Variants in OR4M1 observed in about 807,000 individuals in gnomAD.
The protein encoded by OR4M1 is olfactory receptor 4M1.
Under a neutral mutation model 9.8 loss-of-function variants are expected in OR4M1, and 7 were observed. That is an observed-to-expected ratio of 0.71 (90% confidence interval 0.41 to 1.34). The LOEUF (loss-of-function observed/expected upper bound fraction) is 1.34. OR4M1 is among the 40% of genes most tolerant of loss of function. OR4M1 has a pLI of 0.01. For missense variants in OR4M1, 331 were observed against 380.4 expected, an observed-to-expected ratio of 0.87 and a Z score of 1.08; for synonymous variants, 121 against 139.8, an observed-to-expected ratio of 0.87 and a Z score of 0.95.
chr14:19,774,351 T>A (rs549289568), intron 1 of OR4M1, among the ~76,000 whole-genome samples: 76 of 152,330 alleles, frequency 5.0e-4, no homozygotes, highest in African/African-American at 1.7e-3. Context: ...ATTTATTCAA[T>A]AAAAAATCCA....
Position 19,782,367 on chromosome 14 carries a change from T to C in OR4M1, c.*1103T>C. On this transcript the variant is annotated 3_prime_UTR_variant, in exon 2 of 2. Coordinates refer to ENST00000641200, the MANE Select transcript of OR4M1 (RefSeq NM_001005500.2). ...AGGTTATGTTTTTTACTTAAATTTA[T>C]TAGTTTTTCATTTCAAAACTAGGAA... 1 of 152,386 alleles carries C rather than the reference T, an allele frequency of 6.6e-6. No homozygotes were observed. The highest frequency in any genetic ancestry group is 3.4e-3 in the Middle Eastern group (1 of 294). The allele number at this position is 152,386 out of a possible 1,614,324, so 9.4% of individuals were successfully genotyped here.
At chr14:19,780,205 G>A (rs1285228791) in intron 1 of OR4M1, 89 bp from the exon 2 acceptor site, 62 of 1,156,352 alleles carry the variant, frequency 5.4e-5, no homozygotes, top group Non-Finnish European at 7.3e-5. Flanking sequence ...ATCTGTTAGT[G>A]ACAGAAAACG....
At chr14:19,779,484 T>C (rs563735130) in intron 1 of OR4M1, among the ~76,000 whole-genome samples, 4 of 152,228 alleles carry the variant, frequency 2.6e-5, no homozygotes, top group Non-Finnish European at 5.9e-5. Flanking sequence ...TACAGGGCAG[T>C]AAGCAAAATT....
intron 1 of OR4M1, among the ~76,000 whole-genome samples, chr14:19,774,692 T>C (rs542903258): frequency 2.0e-5 from 3 of 152,306 alleles, no homozygotes; most frequent in Non-Finnish European, 2.9e-5. Flanking sequence ...GATTTAAAAA[T>C]AGGGATACAT....
chr14:19,776,351 C>G (rs1034291486), intron 1 of OR4M1, among the ~76,000 whole-genome samples: 4 of 152,204 alleles, frequency 2.6e-5, no homozygotes, highest in African/African-American at 9.6e-5. Context: ...TTGTTTTCCC[C>G]CAAAGCATTG....
At chr14:19,777,049 T>TATATA (rs58150334) in intron 1 of OR4M1, among the ~76,000 whole-genome samples, 174 of 115,478 alleles carry the variant, frequency 1.5e-3, no homozygotes, top group South Asian at 2.2e-3. Context: ...TATATATATA[T>TATATA]TGTTTGTTTG....
At chr14:19,774,530 A>G (rs1320747745) in intron 1 of OR4M1, among the ~76,000 whole-genome samples, 3 of 152,278 alleles carry the variant, frequency 2.0e-5, no homozygotes, top group Non-Finnish European at 2.9e-5. Flanking sequence ...CTGAAAAATT[A>G]CAATGTAATG....
chr14:19,783,540 T>C lies in OR4M1; in HGVS notation c.*2276T>C, dbSNP rs1198362357. ...TAACCTCATATGCAATGTTGTGTCA[T>C]TGAATATTGTTTCCAAATAGCTCAG... On this transcript the variant is annotated 3_prime_UTR_variant, in exon 2 of 2. Transcript: ENST00000641200. 6.6e-6 allele frequency: 1 copy of C among 152,296 alleles called. No individual in the cohort carries two copies. Among genetic ancestry groups the C allele is most frequent in the Non-Finnish European group, 1.5e-5 (1 of 68,066 alleles). 9.4% of individuals were successfully genotyped at this position (152,296 alleles called of 1,614,324 possible). A position where few individuals can be genotyped will look rare whatever the true frequency, so the allele number is the denominator to read the frequency against.
At chr14:19,776,699 C>T (rs559663241) in intron 1 of OR4M1, among the ~76,000 whole-genome samples, 80 of 152,214 alleles carry the variant, frequency 5.3e-4, no homozygotes, top group Admixed American at 1.0e-3. Context: ...AACATAATTG[C>T]TTTGGGTTTT....
At chr14:19,778,872 A>G (rs1271955554) in intron 1 of OR4M1, among the ~76,000 whole-genome samples, 1 of 152,228 alleles carries the variant, frequency 6.6e-6, no homozygotes, top group African/African-American at 2.4e-5. Flanking sequence ...CTTATTAAAT[A>G]TGCTTAATTA....
rs369558994 is a variant in OR4M1 at position 19,781,062 on chromosome 14, C to A, written c.740C>A (p.Thr247Asn). 6 of 1,614,192 alleles carry A rather than the reference C, an allele frequency of 3.7e-6. No individual in the cohort carries two copies. The highest frequency in any genetic ancestry group is 1.6e-4 in the Middle Eastern group (1 of 6,062). The change falls in exon 2 of 2, where the codon ACC (threonine) becomes AAC (asparagine). Residue 247 changes from threonine to asparagine, a missense_variant. By Grantham distance (65) the Thr-to-Asn change is moderately conservative. This residue lies in a region of OR4M1 where 122 missense variants were observed against 180.5 expected (regional missense o/e 0.68). Coordinates refer to ENST00000641200, the MANE Select transcript of OR4M1 (RefSeq NM_001005500.2). ...RAMSTCYSHI[T>N]IVVLMFGPSI... ...ATGTCCACCTGCTATTCCCACATTA[C>A]CATTGTGGTGCTAATGTTTGGGCCA...
At chr14:19,776,975 T>TCTCC (rs1332143013) in intron 1 of OR4M1, among the ~76,000 whole-genome samples, 2 of 146,004 alleles carry the variant, frequency 1.4e-5, no homozygotes, top group Non-Finnish European at 3.0e-5. Context: ...ATTATTCTTC[T>TCTCC]CTCCAAATAG....
rs1408122716 is a variant in OR4M1, at chr14:19,781,872, A to G, written c.*608A>G. 6.5e-6 allele frequency: 1 copy of G among 152,772 alleles called. No homozygotes were observed. The highest frequency in any genetic ancestry group is 1.5e-5 in the Non-Finnish European group (1 of 68,456). The allele number at this position is 152,772 out of a possible 1,614,324, so 9.5% of individuals were successfully genotyped here. On this transcript the variant is annotated 3_prime_UTR_variant, in exon 2 of 2. Transcript: ENST00000641200. ...TCAACAGTTGGAGACAGAACTCAAA[A>G]TTTTATCACATTATGAAAACAAATT...
chr14:19,777,048 AT>A (rs1463799557), intron 1 of OR4M1, among the ~76,000 whole-genome samples: 2 of 118,260 alleles, frequency 1.7e-5, no homozygotes, highest in East Asian at 2.5e-4. Flanking sequence ...ATATATATAT[AT>A]TGTTTGTTTG....
chr14:19,775,215 C>G (rs1241687304), intron 1 of OR4M1, among the ~76,000 whole-genome samples: 1 of 152,224 alleles, frequency 6.6e-6, no homozygotes, highest in African/African-American at 2.4e-5. Context: ...ATATGCTACT[C>G]ATGAAGGGGC....
At position 19,781,042 on chromosome 14, in the gene OR4M1, C is replaced by T. The variant is rs1233905243; in HGVS notation, c.720C>T (p.Ser240=). 6 of 1,614,206 alleles carry T rather than the reference C, an allele frequency of 3.7e-6. No homozygotes were observed. Among genetic ancestry groups the T allele is most frequent in the Admixed American group, 1.7e-5 (1 of 60,014 alleles). Residue 240 remains serine, a synonymous_variant, in exon 2 of 2, where the codon TCC becomes TCT. Transcript: ENST00000641200. ...GTGAGAATACCAACAGGGCCATGTC[C>T]ACCTGCTATTCCCACATTACCATTG... The part of the protein sequence containing the change: ...GSGENTNRAM[S]TCYSHITIVV...
intron 1 of OR4M1, among the ~76,000 whole-genome samples, chr14:19,779,478 G>A (rs759006556): frequency 6.6e-6 from 1 of 152,180 alleles, no homozygotes; most frequent in African/African-American, 2.4e-5. Context: ...GTTCAATACA[G>A]GGCAGTAAGC....
chr14:19,775,446 C>G (rs1279626909), intron 1 of OR4M1, among the ~76,000 whole-genome samples: 1 of 151,830 alleles, frequency 6.6e-6, no homozygotes, highest in African/African-American at 2.4e-5. Flanking sequence ...TAAAGGTCCT[C>G]CTTTCCAAAT....
Position 19,780,686 on chromosome 14 carries a change from C to T in OR4M1, c.364C>T (p.Arg122Cys), listed in dbSNP as rs575861745. 27 of 1,614,202 alleles carry T rather than the reference C, an allele frequency of 1.7e-5. No individual in the cohort carries two copies. The highest frequency in any genetic ancestry group is 6.7e-5 in the African/African-American group (5 of 75,044). ...CTTGCTCACAGTGATGGCCTATGAC[C>T]GCTATGCTGCTATCTGCCGACCCCT... is the stretch of plus-strand genomic sequence containing the variant. ...MFLLTVMAYD[R>C]YAAICRPLHY... is the part of the protein sequence containing the mutation. Residue 122 changes from arginine (R) to cysteine (C), a missense_variant, in exon 2 of 2, where the codon CGC becomes TGC. This residue lies in a region of OR4M1 where 209 missense variants were observed against 200.0 expected (regional missense o/e 1.04). Coordinates refer to ENST00000641200, the MANE Select transcript of OR4M1 (RefSeq NM_001005500.2).
Sources: gnomAD v4.1 joint callset for allele counts (sites outside exome capture counted in the v4.1 genomes callset) on GRCh38, gnomAD v4.1.1 for gene constraint, gnomAD v4.1.1 regional missense constraint, MANE v1.5 for transcripts, NCBI Gene and HGNC (gene_info 2026-07-23, HGNC 2026-07-21) for gene names.